Variants in KIAA1217 observed in about 807,000 individuals in gnomAD.
The protein encoded by KIAA1217 is KIAA1217, also known as sickle tail protein homolog.
KIAA1217 carries 88 observed loss-of-function variants against 163.9 expected under a neutral mutation model. That is an observed-to-expected ratio of 0.54 (90% CI 0.45 to 0.64). The LOEUF (loss-of-function observed/expected upper bound fraction) is 0.64, where lower values mean the gene tolerates loss of function less well. Among genes scored for constraint, KIAA1217 ranks in the 30% least tolerant of loss-of-function variants. The pLI is 0.00. For missense variants in KIAA1217, 2,372 were observed against 2,475.0 expected, an observed-to-expected ratio of 0.96 and a Z score of 0.88; for synonymous variants, 903 against 923.1, an observed-to-expected ratio of 0.98 and a Z score of 0.39.
rs34396312 is a variant in KIAA1217, at chr10:24,360,040, CTTTT to C, written c.355-20808_355-20805del. Among the ~76,000 whole-genome samples, 609 of 94,242 alleles carry C rather than the reference CTTTT, an allele frequency of 6.5e-3. 7 individuals carry two copies. Among genetic ancestry groups the C allele is most frequent in the African/African-American group, 0.026 (583 of 22,424 alleles). 61.8% of individuals were successfully genotyped at this position (94,242 alleles called of 152,430 possible). On this transcript the variant is annotated intron_variant, in intron 2 of 20. Coordinates refer to ENST00000376454, the MANE Select transcript of KIAA1217 (RefSeq NM_019590.5). ...ACTGTGTATCTTTAGGATATAATTACTTTTTTTTTTTTTTTTTTTTTTTTGAGAC... is the reference window on the plus strand; with the variant it reads ...ACTGTGTATCTTTAGGATATAATTACTTTTTTTTTTTTTTTTTTTTGAGAC...
chr10:23,903,113 C>T (rs1379780545), intron 1 of KIAA1217, among the ~76,000 whole-genome samples: 3 of 151,964 alleles, frequency 2.0e-5, no homozygotes, highest in African/African-American at 4.8e-5. Context: ...GTCATTAGCC[C>T]GCACAAATAC....
chr10:24,000,311 T>TCATG (rs1305106098), intron 1 of KIAA1217, among the ~76,000 whole-genome samples: 3 of 152,154 alleles, frequency 2.0e-5, no homozygotes, highest in Admixed American at 1.3e-4. Flanking sequence ...GCAGTTACCC[T>TCATG]CATGCTGTTC....
intron 2 of KIAA1217, among the ~76,000 whole-genome samples, chr10:24,044,118 C>T (rs1385826261): frequency 1.3e-5 from 2 of 152,076 alleles, no homozygotes; most frequent in African/African-American, 4.8e-5. Flanking sequence ...TTTTGAAAGA[C>T]ATCATCATCA....
chr10:23,714,347 G>C (rs1410485196), intron 1 of KIAA1217, among the ~76,000 whole-genome samples: 1 of 151,828 alleles, frequency 6.6e-6, no homozygotes. Context: ...TCCCAGGATA[G>C]ACTCCTGGAA....
intron 2 of KIAA1217, among the ~76,000 whole-genome samples, chr10:24,038,678 C>T (rs1250287076): frequency 3.3e-5 from 5 of 151,530 alleles, no homozygotes; most frequent in South Asian, 2.1e-4. Flanking sequence ...GGAAGGGAGA[C>T]GGCTTCCAGT....
At chr10:24,051,149 T>C (rs560153819) in intron 2 of KIAA1217, among the ~76,000 whole-genome samples, 1 of 152,296 alleles carries the variant, frequency 6.6e-6, no homozygotes, top group African/African-American at 2.4e-5. Context: ...GCTTAGCTCC[T>C]GCTTATAAGT....
chr10:23,828,003 A>G (rs1837983224), intron 1 of KIAA1217, among the ~76,000 whole-genome samples: 1 of 152,242 alleles, frequency 6.6e-6, no homozygotes, highest in African/African-American at 2.4e-5. Flanking sequence ...TGAATACAGC[A>G]TGTTGTGGAG....
chr10:24,424,930 G>C (rs2059061387), intron 3 of KIAA1217, among the ~76,000 whole-genome samples: 2 of 152,126 alleles, frequency 1.3e-5, no homozygotes, highest in Admixed American at 6.6e-5. Context: ...TAAGACTCTT[G>C]AATACAGTCT....
chr10:23,948,910 T>C (rs991750620), intron 1 of KIAA1217, among the ~76,000 whole-genome samples: 1 of 152,150 alleles, frequency 6.6e-6, no homozygotes, highest in African/African-American at 2.4e-5. Context: ...ATCTATAAAA[T>C]ATACTCACTT....
intron 2 of KIAA1217, among the ~76,000 whole-genome samples, chr10:24,105,683 C>T (rs146960471): frequency 1.3e-5 from 2 of 152,314 alleles, no homozygotes; most frequent in East Asian, 1.9e-4. Context: ...AGAATAGTTG[C>T]ATTCATTTCT....
At chr10:23,933,968 A>G (rs578089965) in intron 1 of KIAA1217, among the ~76,000 whole-genome samples, 6 of 152,220 alleles carry the variant, frequency 3.9e-5, no homozygotes, top group Non-Finnish European at 8.8e-5. Context: ...ACCATTATTG[A>G]AGACAGTATA....
intron 3 of KIAA1217, among the ~76,000 whole-genome samples, chr10:24,417,548 G>A (rs191944057): frequency 1.3e-5 from 2 of 152,308 alleles, no homozygotes; most frequent in Admixed American, 1.3e-4. Context: ...TAGAAAGGGG[G>A]TGATTTCCAC....
intron 3 of KIAA1217, among the ~76,000 whole-genome samples, chr10:24,405,749 A>T (rs1412696942): frequency 6.6e-6 from 1 of 152,228 alleles, no homozygotes; most frequent in Admixed American, 6.5e-5. Context: ...AGAGAAACAA[A>T]TGCCAAACAG....
At chr10:24,341,179 AG>A (rs2047052590) in intron 2 of KIAA1217, among the ~76,000 whole-genome samples, 1 of 152,204 alleles carries the variant, frequency 6.6e-6, no homozygotes, top group African/African-American at 2.4e-5. Flanking sequence ...CCCGGGCTGA[AG>A]TTGGACTCAG....
chr10:24,403,419 A>G (rs1394276015), intron 3 of KIAA1217, among the ~76,000 whole-genome samples: 3 of 151,988 alleles, frequency 2.0e-5, no homozygotes, highest in African/African-American at 2.4e-5. Context: ...TTGTATTTTT[A>G]GTAGAGACGG....
At chr10:24,282,900 C>G (rs2078118833) in intron 2 of KIAA1217, among the ~76,000 whole-genome samples, 1 of 128,224 alleles carries the variant, frequency 7.8e-6, no homozygotes, top group Non-Finnish European at 1.6e-5. Flanking sequence ...ATGGCGCAAT[C>G]TCGGCTCACT....
At chr10:23,775,105 A>G (rs1315715342) in intron 1 of KIAA1217, among the ~76,000 whole-genome samples, 2 of 152,134 alleles carry the variant, frequency 1.3e-5, no homozygotes, top group Non-Finnish European at 2.9e-5. Context: ...ATTTTTATAA[A>G]GACAGCCTCA....
intron 1 of KIAA1217, among the ~76,000 whole-genome samples, chr10:24,212,189 G>A (rs866986112): frequency 1.3e-5 from 2 of 152,196 alleles, no homozygotes; most frequent in African/African-American, 2.4e-5. Context: ...TTCAACTTGG[G>A]ATGTAAGAGA....
rs555445028 is a variant in KIAA1217 at position 24,053,225 on chromosome 10, T to C, written c.-171+45851T>C. 2.0e-5 allele frequency among the ~76,000 whole-genome samples: 3 copies of C among 152,294 alleles called. No individual in the cohort carries two copies. In the South Asian group the frequency reaches 6.2e-4, roughly 32 times the overall value. The stretch of plus-strand genomic sequence containing the variant: ...TAAGTAAGTAAATAATCCCTTCTTA[T>C]ATACCATAAACATTGGTTAAATATA... On this transcript the variant is annotated intron_variant, in intron 2 of 18. Coordinates refer to the KIAA1217 transcript ENST00000376462.
Sources: allele counts gnomAD v4.1 joint callset (sites outside exome capture counted in the v4.1 genomes callset), GRCh38; gene constraint gnomAD v4.1.1; transcripts MANE v1.5; gene names NCBI Gene and HGNC (gene_info 2026-07-23, HGNC 2026-07-21).